The following CACNA2D2 variants were observed in gnomAD, a reference collection of about 807,000 sequenced individuals.
CACNA2D2 encodes the protein voltage-dependent calcium channel subunit alpha-2/delta-2.
In CACNA2D2, 48 loss-of-function variants were observed where a neutral mutation model predicts 166.4. The observed-to-expected ratio is 0.29, with a 90% CI of 0.23 to 0.37. CACNA2D2 has a LOEUF of 0.37. Among genes scored for constraint, CACNA2D2 ranks in the 10% least tolerant of loss-of-function variants. The pLI is 1.00. For missense variants in CACNA2D2, 1,122 were observed against 1,433.0 expected (o/e 0.78, Z 3.50); for synonymous variants, 561 against 573.7 (o/e 0.98, Z 0.32).
rs587699552 is a variant in CACNA2D2 at position 50,370,203 on chromosome 3, C to T, written c.2045+117G>A. ...CGCATACCGGGCGATGTATGGGGGC[C>T]GGGGGATGACACTGCACAGGACACA... On this transcript the variant is annotated intron_variant, in intron 23 of 37. Transcript: ENST00000424201. 4.0e-5 allele frequency: 29 copies of T among 731,638 alleles called. No homozygotes were observed. The Middle Eastern group carries it at 7.2e-4, about 18-fold the overall frequency. 45.3% of individuals were successfully genotyped at this position (731,638 alleles called of 1,614,324 possible).
chr3:50,435,601 G>A (rs1258125582), intron 2 of CACNA2D2, among the ~76,000 whole-genome samples: 1 of 147,098 alleles, frequency 6.8e-6, no homozygotes. Context: ...TAGAGTGACA[G>A]CGAGAAGGCA....
intron 22 of CACNA2D2, among the ~76,000 whole-genome samples, chr3:50,371,545 G>A (rs890713835): frequency 6.6e-6 from 1 of 152,136 alleles, no homozygotes; most frequent in African/African-American, 2.4e-5. Context: ...TTCTTAGCCT[G>A]TCTCCACTTC....
chr3:50,471,881 G>A (rs769736003), intron 2 of CACNA2D2, among the ~76,000 whole-genome samples: 2 of 152,254 alleles, frequency 1.3e-5, no homozygotes, highest in Non-Finnish European at 2.9e-5. Flanking sequence ...AGATGGAGTA[G>A]ATGGAGTAGG....
At position 50,367,339 on chromosome 3, in the gene CACNA2D2, G is replaced by C; in HGVS notation, c.2401+55C>G. 6.6e-7 allele frequency: 1 copy of C among 1,505,832 alleles called. No individual in the cohort carries two copies. Among genetic ancestry groups the C allele is most frequent in the Non-Finnish European group, 9.2e-7 (1 of 1,085,616 alleles). 93.3% of individuals were successfully genotyped at this position (1,505,832 alleles called of 1,614,324 possible). On this transcript the variant is annotated intron_variant, in intron 27 of 37. Transcript: ENST00000424201. This position sits in a 1 kb window ranked among gnomAD's most constrained non-coding sequence, Gnocchi z 6.5. ...AGCAGAGCCCAGTTCTGGCTGAGCA[G>C]ACAGGGAAGCTGAGGCTCCCTGCCT...
intron 2 of CACNA2D2, among the ~76,000 whole-genome samples, chr3:50,475,252 A>C (rs1710258838): frequency 6.6e-6 from 1 of 151,950 alleles, no homozygotes; most frequent in Admixed American, 6.5e-5. Flanking sequence ...GTGGGTATAT[A>C]ATCTCCAAAC....
intron 2 of CACNA2D2, among the ~76,000 whole-genome samples, chr3:50,461,157 G>A (rs943747099): frequency 2.0e-5 from 3 of 152,210 alleles, no homozygotes; most frequent in African/African-American, 4.8e-5. Context: ...ATAGGTCAGT[G>A]TGGAATTTCT....
At chr3:50,382,973 G>C (rs1278913127) in intron 6 of CACNA2D2, among the ~76,000 whole-genome samples, 2 of 152,246 alleles carry the variant, frequency 1.3e-5, no homozygotes, top group Non-Finnish European at 2.9e-5. Context: ...CATGCGCACA[G>C]ACCCGTACCC....
At chr3:50,440,386 T>A (rs1708532886) in intron 2 of CACNA2D2, among the ~76,000 whole-genome samples, 1 of 152,270 alleles carries the variant, frequency 6.6e-6, no homozygotes, top group African/African-American at 2.4e-5. Flanking sequence ...AACTGCCATG[T>A]TAGGTTCCTA....
chr3:50,458,636 T>C (rs1709468937), intron 2 of CACNA2D2, among the ~76,000 whole-genome samples: 1 of 152,236 alleles, frequency 6.6e-6, no homozygotes, highest in Admixed American at 6.5e-5. Context: ...TGGCGAACTT[T>C]CTTTCCCCAA....
intron 3 of CACNA2D2, among the ~76,000 whole-genome samples, chr3:50,401,768 G>T (rs976609547): frequency 1.3e-5 from 2 of 151,984 alleles, no homozygotes; most frequent in Non-Finnish European, 2.9e-5. Flanking sequence ...GAGTGCAGTG[G>T]TGCGATCTGA....
In CACNA2D2 at chr3:50,375,191, G is replaced by A. The variant is rs1704907719; in HGVS notation, c.1908-378C>T. 6.6e-6 allele frequency among the ~76,000 whole-genome samples: 1 copy of A among 152,238 alleles called. No homozygotes were observed. ...GTGGGAGTGGGGTCACCAGCCCCCA[G>A]ATACTCAAAGCCAGCAGAAAGCAGG... is the stretch of plus-strand genomic sequence containing the variant. On this transcript the variant is annotated intron_variant, in intron 21 of 37. Transcript: ENST00000424201. This position sits in a 1 kb window ranked among gnomAD's most constrained non-coding sequence, Gnocchi z 4.0.
chr3:50,473,695 G>T (rs1710192507), intron 2 of CACNA2D2, among the ~76,000 whole-genome samples: 1 of 152,188 alleles, frequency 6.6e-6, no homozygotes, highest in Non-Finnish European at 1.5e-5. Flanking sequence ...GGTCAGGGGT[G>T]AGTTGTGGAG....
At chr3:50,490,118 T>G (rs35684775) in intron 1 of CACNA2D2, among the ~76,000 whole-genome samples, 17,536 of 152,054 alleles carry the variant, frequency 0.12, 1,327 homozygotes, top group East Asian at 0.32. Flanking sequence ...TGGGCAAATG[T>G]CTATGCAGAG....
chr3:50,435,700 G>A (rs1180140930), intron 2 of CACNA2D2, among the ~76,000 whole-genome samples: 1 of 152,090 alleles, frequency 6.6e-6, no homozygotes, highest in Non-Finnish European at 1.5e-5. Context: ...CCCAGTGCCT[G>A]GCAGTCCAGG....
At position 50,367,654 on chromosome 3, in the gene CACNA2D2, ACT is replaced by A; in HGVS notation, c.2283_2284del (p.Val762LeufsTer7). ...ATAGGTCACTTACTTGTTGGGGAAG[ACT>A]CGGGTGATGCCACCGTCTGTGGCAG... On this transcript the variant is annotated frameshift_variant, in exon 26 of 38. Transcript: ENST00000424201. LOFTEE classifies it high-confidence loss of function. This position sits in a 1 kb window ranked among gnomAD's most constrained non-coding sequence, Gnocchi z 6.5. 6.2e-7 allele frequency: 1 copy of A among 1,610,480 alleles called. No individual in the cohort carries two copies. Among genetic ancestry groups the A allele is most frequent in the East Asian group, 2.2e-5 (1 of 44,704 alleles).
At chr3:50,459,081 C>T (rs1416328924) in intron 2 of CACNA2D2, among the ~76,000 whole-genome samples, 1 of 152,222 alleles carries the variant, frequency 6.6e-6, no homozygotes, top group Non-Finnish European at 1.5e-5. Flanking sequence ...TCCCTCTTTA[C>T]CCTTTCCTGG....
intron 3 of CACNA2D2, among the ~76,000 whole-genome samples, chr3:50,426,578 G>A (rs1365735842): frequency 6.6e-6 from 1 of 152,182 alleles, no homozygotes; most frequent in African/African-American, 2.4e-5. Context: ...GGTACAGGTG[G>A]TGGGGCTGAC....
intron 3 of CACNA2D2, among the ~76,000 whole-genome samples, chr3:50,415,473 G>A (rs1707226884): frequency 1.3e-5 from 2 of 152,204 alleles, no homozygotes; most frequent in South Asian, 2.1e-4. Context: ...TGTCACCTAT[G>A]AGAGCCGCTG....
At chr3:50,501,997 C>T (rs775557715) in intron 1 of CACNA2D2, among the ~76,000 whole-genome samples, 2 of 152,080 alleles carry the variant, frequency 1.3e-5, no homozygotes, top group African/African-American at 2.4e-5. Context: ...ATGAGAGAGA[C>T]GACAAGACGG....
Sources: allele counts gnomAD v4.1 joint callset (sites outside exome capture counted in the v4.1 genomes callset), GRCh38; gene constraint gnomAD v4.1.1; non-coding constraint Gnocchi (gnomAD v3.1); transcripts MANE v1.5; gene names NCBI Gene and HGNC (gene_info 2026-07-23, HGNC 2026-07-21).